The following DENND10 variants were observed in gnomAD, a reference collection of about 807,000 sequenced individuals.
DENND10 encodes DENN domain-containing protein 10.
A neutral mutation model predicts 43.6 loss-of-function variants in DENND10; 24 were observed. The ratio of observed to expected loss-of-function variants is 0.55; its 90% CI spans 0.40 to 0.77. The LOEUF is 0.77. DENND10 is among the 30% of genes least tolerant of loss of function. The pLI is 0.00. For synonymous variants in DENND10, 125 were observed against 157.6 expected, an observed-to-expected ratio of 0.79 and a Z score of 1.55; for missense variants, 303 against 429.9, an observed-to-expected ratio of 0.70 and a Z score of 2.61.
In DENND10 at chr10:119,108,116, G is replaced by A; in HGVS notation, c.204G>A (p.Trp68Ter). The A allele has an allele frequency of 6.2e-7, 1 of 1,613,818 alleles. No homozygotes were observed. The highest frequency in any genetic ancestry group is 8.5e-7 in the Non-Finnish European group (1 of 1,179,838). The change falls in exon 2 of 9, where the codon TGG becomes TGA. Residue 68 changes from tryptophan to a stop codon, truncating the protein, a stop_gained. Transcript: ENST00000361432. LOFTEE classifies it high-confidence loss of function. The stretch of plus-strand genomic sequence containing the variant: ...TCTTTGGTCAGTACAGAAGAACATG[G>A]TTTTATATCACAACAATTGAAGTTC... ...PFVFGQYRRT[W>*]FYITTIEVPD...
chr10:119,128,312 C>T lies in DENND10; in HGVS notation c.695-1203C>T, dbSNP rs756630857. 6.7e-4 allele frequency among the ~76,000 whole-genome samples: 102 copies of T among 151,466 alleles called. 1 individual carries two copies. The highest frequency in any genetic ancestry group is 1.3e-4 in the Non-Finnish European group (9 of 67,884). ...TGGGCAACAGAGCAAGACTCTGTCT[C>T]AAAAACAAACAAAAAGGCCAGGCAC... is the stretch of plus-strand genomic sequence containing the variant. On this transcript the variant is annotated intron_variant, in intron 6 of 8. Coordinates refer to ENST00000361432, the MANE Select transcript of DENND10 (RefSeq NM_207009.4).
chr10:119,123,475 G>C lies in DENND10; in HGVS notation c.600G>C (p.Leu200=), dbSNP rs771095076. The change falls in exon 6 of 9, where the codon CTG becomes CTC. Residue 200 remains leucine (L), a synonymous_variant. Coordinates refer to ENST00000361432, the MANE Select transcript of DENND10 (RefSeq NM_207009.4). ...IEAVQEFTRT[L]PALVWHRQDW... ...TCTTGCCTTGATTCCCCAGGACTCT[G>C]CCTGCCCTGGTGTGGCACCGACAGG... The C allele has an allele frequency of 6.2e-7, 1 of 1,613,064 alleles. No homozygotes were observed. Among genetic ancestry groups the C allele is most frequent in the Non-Finnish European group, 8.5e-7 (1 of 1,179,118 alleles).
chr10:119,120,142 G>A (rs1038613083), intron 4 of DENND10, among the ~76,000 whole-genome samples, 199 bp from the exon 5 acceptor site: 1 of 151,886 alleles, frequency 6.6e-6, no homozygotes, highest in Non-Finnish European at 1.5e-5. Flanking sequence ...CAGCTACTCG[G>A]GAAGCTGAAG....
At position 119,123,552 on chromosome 10, in the gene DENND10, C is replaced by T. The variant is rs747194275; in HGVS notation, c.677C>T (p.Ala226Val). ...YVHLNADELE[A>V]LQMCTGYVAG... is the part of the protein sequence containing the mutation. Reference sequence around the variant, plus strand: ...CACCTCAACGCCGATGAGCTGGAAGCCCTGCAGATGTGCACAGGTAGACAA... The same window carrying T: ...CACCTCAACGCCGATGAGCTGGAAGTCCTGCAGATGTGCACAGGTAGACAA... The change falls in exon 6 of 9, where the codon GCC becomes GTC. Residue 226 changes from alanine (A) to valine (V), a missense_variant. Physicochemically the swap from Ala to Val is moderately conservative, Grantham distance 64. Transcript: ENST00000361432. 1.9e-6 allele frequency: 3 copies of T among 1,613,044 alleles called. No individual in the cohort carries two copies. The Admixed American group carries it at 5.0e-5, about 27-fold the overall frequency.
intron 4 of DENND10, among the ~76,000 whole-genome samples, chr10:119,119,985 C>T (rs1023088623): frequency 2.6e-5 from 4 of 152,122 alleles, no homozygotes; most frequent in Non-Finnish European, 5.9e-5. Context: ...CTGTGACTCA[C>T]ACCTGTAATC....
chr10:119,132,201 C>T lies in DENND10; in HGVS notation c.803-314C>T, dbSNP rs1004036005. Among the ~76,000 whole-genome samples, 3 of 152,112 alleles carry T rather than the reference C, an allele frequency of 2.0e-5. No individual in the cohort carries two copies. Among genetic ancestry groups the T allele is most frequent in the African/African-American group, 7.2e-5 (3 of 41,422 alleles). The stretch of plus-strand genomic sequence containing the variant: ...TCAGACTCTTGGCTTATAGTCATGA[C>T]TTAGTTGTAGTCAGAATTGTTCATT... On this transcript the variant is annotated intron_variant, in intron 7 of 8. Transcript: ENST00000361432. The surrounding 1 kb of genome is among the most constrained non-coding windows in gnomAD (Gnocchi z 4.2).
At chr10:119,114,264 G>GCACACA (rs58128960) in intron 3 of DENND10, 9,538 of 149,938 alleles carry the variant, frequency 0.064, 439 homozygotes, top group African/African-American at 0.13. Context: ...CCAAGTATTT[G>GCACACA]CACACACACA....
chr10:119,124,441 T>G (rs1215325252), intron 6 of DENND10, among the ~76,000 whole-genome samples: 2 of 150,850 alleles, frequency 1.3e-5, no homozygotes, highest in Non-Finnish European at 2.9e-5. Context: ...CTCGGGAGGC[T>G]GAGGCACAAG....
chr10:119,131,249 G>A (rs966519494), intron 7 of DENND10, among the ~76,000 whole-genome samples: 4 of 152,166 alleles, frequency 2.6e-5, no homozygotes, highest in Non-Finnish European at 5.9e-5. Flanking sequence ...ACGAGGTCAG[G>A]AGATCGGGAC....
chr10:119,106,108 C>G (rs1844683986), intron 1 of DENND10, among the ~76,000 whole-genome samples: 1 of 152,008 alleles, frequency 6.6e-6, no homozygotes, highest in Non-Finnish European at 1.5e-5. Context: ...GCAGGAGAAT[C>G]ACTTGAACCC....
At chr10:119,120,300 G>C in intron 4 of DENND10, 41 bp from the exon 5 acceptor site, 1 of 1,129,122 alleles carries the variant, frequency 8.9e-7, no homozygotes, top group Non-Finnish European at 1.3e-6. Context: ...TTCTTTGCAT[G>C]ATGTGTAATG....
chr10:119,125,606 C>T (rs894441516), intron 6 of DENND10, among the ~76,000 whole-genome samples: 1 of 143,140 alleles, frequency 7.0e-6, no homozygotes, highest in African/African-American at 2.5e-5. Flanking sequence ...CTCCCAGGTT[C>T]AAGCGATTCT....
In DENND10 at chr10:119,132,478, G is replaced by T; in HGVS notation, c.803-37G>T. ...GATAGATGGCATGATTATTTTTTATGTCGATTTCTAAATATTCACCTTCTT... is the reference window on the plus strand; with the variant it reads ...GATAGATGGCATGATTATTTTTTATTTCGATTTCTAAATATTCACCTTCTT... On this transcript the variant is annotated intron_variant, in intron 7 of 8. Coordinates refer to ENST00000361432, the MANE Select transcript of DENND10 (RefSeq NM_207009.4). This position sits in a 1 kb window ranked among gnomAD's most constrained non-coding sequence, Gnocchi z 4.2. 1 of 1,535,640 alleles carries T rather than the reference G, an allele frequency of 6.5e-7. No individual in the cohort carries two copies. Among genetic ancestry groups the T allele is most frequent in the Non-Finnish European group, 9.0e-7 (1 of 1,110,294 alleles).
Position 119,116,649 on chromosome 10 carries a change from TTTTC to T in DENND10, c.333-854_333-851del, listed in dbSNP as rs1355967356. 4.0e-5 allele frequency among the ~76,000 whole-genome samples: 5 copies of T among 125,442 alleles called. No homozygotes were observed. The East Asian group carries it at 1.2e-3, about 30-fold the overall frequency. The allele number at this position is 125,442 out of a possible 152,430, so 82.3% of individuals were successfully genotyped here. On this transcript the variant is annotated intron_variant, in intron 3 of 8. Transcript: ENST00000361432. ...TGTTGAAGGTCTCTCAAGCTTTTTCTTTTCTTTCTTTCTTTCTTTTTTTTTTTTT... is the reference window on the plus strand; with the variant it reads ...TGTTGAAGGTCTCTCAAGCTTTTTCTTTTCTTTCTTTCTTTTTTTTTTTTT...
chr10:119,110,143 C>T (rs775516653), intron 2 of DENND10, among the ~76,000 whole-genome samples: 1 of 151,872 alleles, frequency 6.6e-6, no homozygotes, highest in Admixed American at 6.6e-5. Context: ...GTAATGAAAT[C>T]TTTGGTTTAT....
chr10:119,122,697 G>GT (rs534965396), intron 5 of DENND10, among the ~76,000 whole-genome samples: 470 of 152,186 alleles, frequency 3.1e-3, no homozygotes, highest in Middle Eastern at 6.8e-3. Context: ...TCTACCATAA[G>GT]TTTTTTTCAG....
chr10:119,121,548 G>A (rs1002624721), intron 5 of DENND10, among the ~76,000 whole-genome samples: 2 of 147,196 alleles, frequency 1.4e-5, no homozygotes, highest in African/African-American at 2.5e-5. Flanking sequence ...TCCACCTCCC[G>A]TGTTCAAGTA....
At chr10:119,128,953 C>A (rs1287684639) in intron 6 of DENND10, among the ~76,000 whole-genome samples, 1 of 152,062 alleles carries the variant, frequency 6.6e-6, no homozygotes, top group Admixed American at 6.6e-5. Context: ...GATTACAGTT[C>A]GACATGAGAT....
intron 8 of DENND10, chr10:119,133,555 GA>G (rs1753991273): frequency 1.3e-5 from 2 of 152,230 alleles, no homozygotes; most frequent in African/African-American, 4.8e-5. Flanking sequence ...TAGATGCACA[GA>G]AAATAATAAA....
Sources: gnomAD v4.1 joint callset for allele counts (sites outside exome capture counted in the v4.1 genomes callset) on GRCh38, gnomAD v4.1.1 for gene constraint, Gnocchi (gnomAD v3.1) non-coding constraint, MANE v1.5 for transcripts, NCBI Gene and HGNC (gene_info 2026-07-23, HGNC 2026-07-21) for gene names.